DNAH9: variants seen among roughly 807,000 people sequenced by gnomAD.
DNAH9 encodes the protein dynein axonemal heavy chain 9.
In DNAH9, 345 loss-of-function variants were observed where a neutral mutation model predicts 471.6. The ratio of observed to expected loss-of-function variants is 0.73; its 90% CI spans 0.67 to 0.80. The LOEUF (loss-of-function observed/expected upper bound fraction) is 0.80. DNAH9 is among the 30% of genes least tolerant of loss of function. DNAH9 has a pLI of 0.00. For synonymous variants in DNAH9, 2,093 were observed against 2,123.6 expected (o/e 0.99, Z 0.40); for missense variants, 5,407 against 5,609.2 (o/e 0.96, Z 1.15).
chr17:11,956,973 A>C (rs2151446820), intron 67 of DNAH9, among the ~76,000 whole-genome samples: 1 of 151,992 alleles, frequency 6.6e-6, no homozygotes, highest in Middle Eastern at 3.4e-3. Context: ...AACTTTATGA[A>C]ACCAAAAGCT....
intron 29 of DNAH9, among the ~76,000 whole-genome samples, chr17:11,740,648 A>G (rs2075419281): frequency 1.3e-5 from 2 of 152,192 alleles, no homozygotes; most frequent in African/African-American, 4.8e-5. Context: ...AGTAAGTACA[A>G]ACATCTACTT....
Position 11,619,558 on chromosome 17 carries a change from A to G in DNAH9, c.1127A>G (p.Tyr376Cys). 7 of 1,608,008 alleles carry G rather than the reference A, an allele frequency of 4.4e-6. No individual in the cohort carries two copies. The highest frequency in any genetic ancestry group is 6.0e-6 in the Non-Finnish European group (7 of 1,174,418). Residue 376 changes from tyrosine to cysteine, a missense_variant, in exon 6 of 69, where the codon TAT becomes TGT. By Grantham distance (194) the Tyr-to-Cys change is radical. Coordinates refer to ENST00000262442, the MANE Select transcript of DNAH9 (RefSeq NM_001372.4). ...CNLLIQQASN[Y>C]LSPEDLLRSE... ...CTGTTTGTATACCAGGCCTCTAATT[A>G]TCTCAGCCCAGAAGACCTGCTGAGA... is the stretch of plus-strand genomic sequence containing the variant.
At chr17:11,936,463 C>T (rs1369134371) in intron 65 of DNAH9, among the ~76,000 whole-genome samples, 5 of 152,070 alleles carry the variant, frequency 3.3e-5, no homozygotes. Context: ...GACCTCATCT[C>T]TACAAAAAAT....
chr17:11,599,226 C>T (rs1306003312), intron 1 of DNAH9, among the ~76,000 whole-genome samples: 1 of 152,066 alleles, frequency 6.6e-6, no homozygotes, highest in Non-Finnish European at 1.5e-5. Context: ...GTCTGGGTTC[C>T]AGCCAAAGTC....
chr17:11,950,244 C>T (rs1028234767), intron 67 of DNAH9, among the ~76,000 whole-genome samples: 4 of 152,172 alleles, frequency 2.6e-5, no homozygotes, highest in Non-Finnish European at 4.4e-5. Flanking sequence ...ATCATTATCA[C>T]CCAGAGTTCA....
At position 11,689,701 on chromosome 17, in the gene DNAH9, G is replaced by T; in HGVS notation, c.3879G>T (p.Arg1293Ser). 1 of 1,614,200 alleles carries T rather than the reference G, an allele frequency of 6.2e-7. No homozygotes were observed. The highest frequency in any genetic ancestry group is 1.3e-5 in the African/African-American group (1 of 75,046). The change falls in exon 20 of 69, where the codon AGG becomes AGT. Residue 1293 changes from arginine (R) to serine (S), a missense_variant. Physicochemically the swap from Arg to Ser is moderately radical, Grantham distance 110. Coordinates refer to ENST00000262442, the MANE Select transcript of DNAH9 (RefSeq NM_001372.4). ...EVNVPDYKQL[R>S]QCRKEVCQLK... ...ATGTCCCTGACTATAAGCAGCTGAGGCAGTGCAGGAAGGAGGTCTGCCAGC... is the reference window on the plus strand; with the variant it reads ...ATGTCCCTGACTATAAGCAGCTGAGTCAGTGCAGGAAGGAGGTCTGCCAGC...
chr17:11,788,877 C>T (rs1216925114), intron 41 of DNAH9, among the ~76,000 whole-genome samples: 1 of 152,004 alleles, frequency 6.6e-6, no homozygotes, highest in African/African-American at 2.4e-5. Context: ...ACTGGTTTTT[C>T]TGGGTACCTT....
At chr17:11,854,748 C>T (rs941698329) in intron 50 of DNAH9, among the ~76,000 whole-genome samples, 6 of 152,242 alleles carry the variant, frequency 3.9e-5, no homozygotes, top group African/African-American at 1.2e-4. Flanking sequence ...GCCACCTTAC[C>T]CTTTTTACCT....
intron 49 of DNAH9, among the ~76,000 whole-genome samples, chr17:11,848,175 T>A (rs1317969273): frequency 7.2e-5 from 11 of 152,162 alleles, no homozygotes; most frequent in East Asian, 1.9e-4. Flanking sequence ...TGTTGTATCA[T>A]CATTTTGCCT....
intron 20 of DNAH9, 113 bp downstream of exon 20, chr17:11,690,549 TTTAC>T: frequency 9.5e-7 from 1 of 1,055,754 alleles, no homozygotes; most frequent in South Asian, 1.7e-5. Context: ...TTGCTTTGAC[TTTAC>T]TTAAAGGCAC....
intron 10 of DNAH9, among the ~76,000 whole-genome samples, chr17:11,643,228 T>C (rs1178456465): frequency 1.3e-5 from 2 of 152,254 alleles, no homozygotes; most frequent in Non-Finnish European, 2.9e-5. Context: ...TTAGCATTCC[T>C]GCAGAAGCCT....
At chr17:11,748,595 C>T (rs1967001664) in intron 32 of DNAH9, among the ~76,000 whole-genome samples, 1 of 152,134 alleles carries the variant, frequency 6.6e-6, no homozygotes, top group African/African-American at 2.4e-5. Context: ...GATGATTATC[C>T]ATTCAATCTC....
At chr17:11,909,945 C>T (rs1335198133) in intron 61 of DNAH9, among the ~76,000 whole-genome samples, 1 of 152,168 alleles carries the variant, frequency 6.6e-6, no homozygotes, top group African/African-American at 2.4e-5. Flanking sequence ...CCATCATTTA[C>T]TTTCTGTCTC....
intron 68 of DNAH9, among the ~76,000 whole-genome samples, chr17:11,963,585 C>T (rs1976431909): frequency 6.6e-6 from 1 of 152,078 alleles, no homozygotes; most frequent in Non-Finnish European, 1.5e-5. Context: ...GGGATCCATA[C>T]TCCAAACCTC....
intron 43 of DNAH9, among the ~76,000 whole-genome samples, chr17:11,802,587 G>A (rs780446028): frequency 7.9e-5 from 12 of 151,178 alleles, no homozygotes; most frequent in Non-Finnish European, 1.3e-4. Context: ...AGCCAAGATC[G>A]TGCCGCTGCA....
chr17:11,707,395 T>C (rs2074722449), intron 26 of DNAH9, among the ~76,000 whole-genome samples: 1 of 152,230 alleles, frequency 6.6e-6, no homozygotes, highest in South Asian at 2.1e-4. Flanking sequence ...TTGATAAATA[T>C]TTCCAATTCA....
At chr17:11,869,455 A>T (rs952458744) in intron 51 of DNAH9, among the ~76,000 whole-genome samples, 19 of 152,338 alleles carry the variant, frequency 1.2e-4, no homozygotes, top group African/African-American at 4.3e-4. Context: ...TTTCTTATAG[A>T]CATGGTTGGG....
At position 11,905,920 on chromosome 17, in the gene DNAH9, C is replaced by A. The variant is rs965925205; in HGVS notation, c.11749+111C>A. On this transcript the variant is annotated intron_variant, in intron 61 of 68. Transcript: ENST00000262442. ...TTCAAGCTTCAAATATGCAACACTG[C>A]AAATCATACAGAAGTCAGGGTCATT... The A allele has an allele frequency of 8.3e-4, 1,083 of 1,304,336 alleles. 11 individuals carry two copies. Among genetic ancestry groups the A allele is most frequent in the Admixed American group, 1.1e-3 (39 of 33,916 alleles). 80.8% of individuals were successfully genotyped at this position (1,304,336 alleles called of 1,614,324 possible). A position where few individuals can be genotyped will look rare whatever the true frequency, so the allele number is the denominator to read the frequency against.
intron 51 of DNAH9, among the ~76,000 whole-genome samples, chr17:11,870,663 C>A (rs1972230271): frequency 1.3e-5 from 2 of 152,214 alleles, no homozygotes; most frequent in South Asian, 4.1e-4. Flanking sequence ...TCCTCCAGAT[C>A]TCCTAGCTGG....
Sources: gnomAD v4.1 joint callset for allele counts (sites outside exome capture counted in the v4.1 genomes callset) on GRCh38, gnomAD v4.1.1 for gene constraint, MANE v1.5 for transcripts, NCBI Gene and HGNC (gene_info 2026-07-23, HGNC 2026-07-21) for gene names.